The following LINGO2 variants were observed in gnomAD, a reference collection of about 807,000 sequenced individuals.
LINGO2 encodes leucine rich repeat and Ig domain containing 2, also known as leucine-rich repeat and immunoglobulin-like domain-containing nogo receptor-interacting protein 2.
LINGO2 carries 14 observed loss-of-function variants against 30.6 expected under a neutral mutation model. The observed-to-expected ratio is 0.46, with a 90% CI of 0.30 to 0.72. LINGO2 has a LOEUF of 0.72. Ranked by LOEUF, LINGO2 falls within the 30% of genes least tolerant of loss-of-function variation. The pLI is 0.07. For synonymous variants in LINGO2, 317 were observed against 288.5 expected (o/e 1.10, Z -1.00); for missense variants, 729 against 751.7 (o/e 0.97, Z 0.35).
chr9:28,276,999 A>T (rs1823138168), intron 4 of LINGO2, among the ~76,000 whole-genome samples: 1 of 152,112 alleles, frequency 6.6e-6, no homozygotes, highest in African/African-American at 2.4e-5. Flanking sequence ...AGGCTTAGTT[A>T]TTGGGTCATG....
chr9:28,226,780 T>C (rs947662756), intron 4 of LINGO2, among the ~76,000 whole-genome samples: 1 of 152,058 alleles, frequency 6.6e-6, no homozygotes, highest in Non-Finnish European at 1.5e-5. Context: ...CTTGGATGCA[T>C]TTGTCCAAAG....
At chr9:28,726,966 TG>T in the LINGO2 span, among the ~76,000 whole-genome samples, 22 of 152,244 alleles carry the variant, frequency 1.4e-4, 1 homozygote, top group Admixed American at 8.5e-4. Flanking sequence ...AATATATTGA[TG>T]GGAGATTGAG....
chr9:27,940,423 A>C, the LINGO2 span: 1 of 152,188 alleles, frequency 6.6e-6, no homozygotes, highest in Non-Finnish European at 1.5e-5. Flanking sequence ...CAGTGTTTTC[A>C]GATTTTCCAC....
At chr9:28,377,489 T>C (rs1467025504) in intron 2 of LINGO2, among the ~76,000 whole-genome samples, 1 of 152,178 alleles carries the variant, frequency 6.6e-6, no homozygotes, top group East Asian at 1.9e-4. Flanking sequence ...AGCAGTAGGC[T>C]ATTCGTAGTT....
rs138492235 is a variant in LINGO2, at chr9:28,014,184, G to A, written c.-86-1779C>T. Among the ~76,000 whole-genome samples, 768 of 152,232 alleles carry A rather than the reference G, an allele frequency of 5.0e-3. 5 individuals carry two copies. The highest frequency in any genetic ancestry group is 0.017 in the African/African-American group (717 of 41,554). On this transcript the variant is annotated intron_variant, in intron 4 of 5. Transcript: ENST00000379992. Reference sequence around the variant, plus strand: ...ACACATGAACACAGTTGGTGCGCTCGAGCATTTGGAAAATTAAATTATTCT... The same window carrying A: ...ACACATGAACACAGTTGGTGCGCTCAAGCATTTGGAAAATTAAATTATTCT...
At chr9:27,994,158 A>G (rs1395651971) in intron 5 of LINGO2, among the ~76,000 whole-genome samples, 1 of 152,082 alleles carries the variant, frequency 6.6e-6, no homozygotes, top group Non-Finnish European at 1.5e-5. Context: ...AGTAGTACTA[A>G]ACGGAAATTT....
intron 4 of LINGO2, among the ~76,000 whole-genome samples, chr9:28,187,424 A>G (rs1054014821): frequency 6.7e-6 from 1 of 150,296 alleles, no homozygotes; most frequent in African/African-American, 2.4e-5. Flanking sequence ...TGGGAGACGG[A>G]GGTTGCAGTG....
chr9:28,588,624 A>AACAAACAT (rs1268566579), intron 1 of LINGO2, among the ~76,000 whole-genome samples: 4 of 151,860 alleles, frequency 2.6e-5, no homozygotes, highest in Non-Finnish European at 4.4e-5. Flanking sequence ...CAAACAAACA[A>AACAAACAT]ACATGACGGT....
chr9:28,193,980 G>A (rs952560929), intron 4 of LINGO2, among the ~76,000 whole-genome samples: 1 of 152,128 alleles, frequency 6.6e-6, no homozygotes, highest in East Asian at 1.9e-4. Flanking sequence ...AAGAAAAGTG[G>A]AATTGTATGG....
chr9:28,375,924 G>T (rs1480372825), intron 2 of LINGO2, among the ~76,000 whole-genome samples: 1 of 152,018 alleles, frequency 6.6e-6, no homozygotes, highest in East Asian at 1.9e-4. Context: ...AAATTACTTT[G>T]GGCTCCTGTG....
chr9:28,196,725 T>C (rs1245558009), intron 4 of LINGO2, among the ~76,000 whole-genome samples: 1 of 151,984 alleles, frequency 6.6e-6, no homozygotes, highest in Non-Finnish European at 1.5e-5. Context: ...AAGATTATTT[T>C]TAAAATTTAG....
chr9:29,004,998 T>C, the LINGO2 span, among the ~76,000 whole-genome samples: 1 of 151,956 alleles, frequency 6.6e-6, no homozygotes, highest in Non-Finnish European at 1.5e-5. Context: ...ACTTAGAAAG[T>C]ATCTGCCATG....
chr9:28,736,253 A>C, the LINGO2 span, among the ~76,000 whole-genome samples: 1 of 152,164 alleles, frequency 6.6e-6, no homozygotes, highest in South Asian at 2.1e-4. Context: ...ACCCTGACTG[A>C]AATTAGGCTC....
chr9:28,247,758 T>A (rs1312783058), intron 4 of LINGO2, among the ~76,000 whole-genome samples: 4 of 150,628 alleles, frequency 2.7e-5, no homozygotes, highest in South Asian at 4.2e-4. Flanking sequence ...ACTTAAAGTT[T>A]AAAAAAAAAA....
the LINGO2 span, among the ~76,000 whole-genome samples, chr9:28,892,079 T>C: frequency 6.6e-6 from 1 of 151,932 alleles, no homozygotes; most frequent in East Asian, 1.9e-4. Flanking sequence ...TTTTACCTCA[T>C]CAAATCACTA....
the LINGO2 span, among the ~76,000 whole-genome samples, chr9:28,868,889 C>G: frequency 6.6e-6 from 1 of 152,094 alleles, no homozygotes; most frequent in Admixed American, 6.6e-5. Flanking sequence ...CCCCAACTCA[C>G]AACATTTGCA....
At chr9:28,330,532 C>T (rs1363510093) in intron 3 of LINGO2, among the ~76,000 whole-genome samples, 2 of 152,060 alleles carry the variant, frequency 1.3e-5, no homozygotes, top group Non-Finnish European at 2.9e-5. Context: ...TCCCTAGACC[C>T]TAAGGGCTGT....
intron 4 of LINGO2, among the ~76,000 whole-genome samples, chr9:28,279,947 G>T (rs1345495145): frequency 6.6e-6 from 1 of 152,056 alleles, no homozygotes; most frequent in African/African-American, 2.4e-5. Context: ...AGTCTTTTAT[G>T]TGTTTTTATT....
At position 28,003,297 on chromosome 9, in the gene LINGO2, C is replaced by T. The variant is rs538032056; in HGVS notation, c.-36+9058G>A. On this transcript the variant is annotated intron_variant, in intron 5 of 5. Transcript: ENST00000379992. ...TTCACAAAAAATTGGGTAATTATCT[C>T]ACTCATTTTTATTAGTTTTTGTTAA... Among the ~76,000 whole-genome samples the T allele has an allele frequency of 9.9e-5, 15 of 151,896 alleles. No homozygotes were observed. The South Asian group carries it at 3.1e-3, about 32-fold the overall frequency.
Sources: allele counts gnomAD v4.1 joint callset (sites outside exome capture counted in the v4.1 genomes callset), GRCh38; gene constraint gnomAD v4.1.1; transcripts MANE v1.5; gene names NCBI Gene and HGNC (gene_info 2026-07-23, HGNC 2026-07-21).